The following AUTS2 variants were observed in gnomAD, a reference collection of about 807,000 sequenced individuals.
AUTS2 encodes the protein activator of transcription and developmental regulator AUTS2.
A neutral mutation model predicts 112.4 loss-of-function variants in AUTS2; 17 were observed. The ratio of observed to expected loss-of-function variants is 0.15; its 90% confidence interval spans 0.10 to 0.23. The LOEUF is 0.23. Among genes scored for constraint, AUTS2 ranks in the 10% least tolerant of loss-of-function variants. The pLI is 1.00. For synonymous variants in AUTS2, 751 were observed against 702.7 expected (o/e 1.07, Z -1.09); for missense variants, 1,510 against 1,701.6 (o/e 0.89, Z 1.98).
chr7:70,591,901 T>G (rs544848159), intron 5 of AUTS2, among the ~76,000 whole-genome samples: 1 of 152,278 alleles, frequency 6.6e-6, no homozygotes, highest in South Asian at 2.1e-4. Context: ...CCACCAGACA[T>G]GTAGAAACAA....
At chr7:70,035,469 T>G (rs1800959465) in intron 2 of AUTS2, among the ~76,000 whole-genome samples, 1 of 152,120 alleles carries the variant, frequency 6.6e-6, no homozygotes, top group African/African-American at 2.4e-5. Flanking sequence ...GGCATTGCTG[T>G]TTTTATCACG....
chr7:69,603,798 A>G (rs974923710), intron 1 of AUTS2, among the ~76,000 whole-genome samples: 1 of 152,196 alleles, frequency 6.6e-6, no homozygotes, highest in African/African-American at 2.4e-5. Context: ...GTTTTCTTAA[A>G]AAGTGGCTTT....
chr7:70,114,419 AT>A (rs11368095), intron 2 of AUTS2, among the ~76,000 whole-genome samples: 38,717 of 152,168 alleles, frequency 0.25, 4,918 homozygotes, highest in Middle Eastern at 0.33. Context: ...ATAGCTGGGA[AT>A]TTCAGGTGAA....
At chr7:69,689,640 TTTTATTTA>T (rs56128460) in intron 1 of AUTS2, among the ~76,000 whole-genome samples, 14,368 of 119,154 alleles carry the variant, frequency 0.12, 1,021 homozygotes, top group Middle Eastern at 0.15. Context: ...GCACCCGGCC[TTTTATTTA>T]TTTATTTATT....
intron 4 of AUTS2, among the ~76,000 whole-genome samples, chr7:70,319,420 CCTT>C (rs1276926715): frequency 5.3e-5 from 8 of 152,152 alleles, no homozygotes; most frequent in Non-Finnish European, 1.5e-5. Context: ...ACCTGACCCT[CCTT>C]CTTTCCTTAG....
chr7:70,106,279 T>G (rs529153290), intron 2 of AUTS2, among the ~76,000 whole-genome samples: 9 of 152,092 alleles, frequency 5.9e-5, no homozygotes, highest in Admixed American at 1.3e-4. Context: ...CAATGTAGGG[T>G]GTGGGGTCGT....
At chr7:70,065,497 C>T (rs1802446464) in intron 2 of AUTS2, among the ~76,000 whole-genome samples, 2 of 152,006 alleles carry the variant, frequency 1.3e-5, no homozygotes, top group South Asian at 2.1e-4. Context: ...AGTTCAAGAC[C>T]AGCCCGAGTA....
intron 5 of AUTS2, among the ~76,000 whole-genome samples, chr7:70,489,597 T>C (rs11760622): frequency 0.23 from 34,347 of 152,184 alleles, 4,018 homozygotes; most frequent in Middle Eastern, 0.34. Context: ...TCTAATTCAG[T>C]TACACAGACA....
chr7:70,072,486 TCAAG>T, intron 2 of AUTS2, among the ~76,000 whole-genome samples: 1 of 152,332 alleles, frequency 6.6e-6, no homozygotes. Context: ...CAGGCTTGGT[TCAAG>T]CCTTTGACCT....
At chr7:70,096,585 G>A (rs1804212832) in intron 2 of AUTS2, among the ~76,000 whole-genome samples, 1 of 137,568 alleles carries the variant, frequency 7.3e-6, no homozygotes, top group African/African-American at 2.7e-5. Context: ...GGCAACAAGA[G>A]TGAAACTCCA....
intron 4 of AUTS2, among the ~76,000 whole-genome samples, chr7:70,173,594 G>A (rs747623643): frequency 2.0e-5 from 3 of 152,010 alleles, no homozygotes; most frequent in Non-Finnish European, 4.4e-5. Context: ...TATTGTGCTT[G>A]GCAGATACTG....
At chr7:70,498,553 A>G (rs570103834) in intron 5 of AUTS2, among the ~76,000 whole-genome samples, 25 of 152,288 alleles carry the variant, frequency 1.6e-4, no homozygotes, top group Non-Finnish European at 3.4e-4. Context: ...TCTTATAAGC[A>G]GAGGGTGTAG....
chr7:69,914,558 C>T (rs1412981362), intron 2 of AUTS2, among the ~76,000 whole-genome samples: 1 of 151,934 alleles, frequency 6.6e-6, no homozygotes, highest in Non-Finnish European at 1.5e-5. Flanking sequence ...CCCATGGAAT[C>T]TATCAGCAGT....
intron 5 of AUTS2, among the ~76,000 whole-genome samples, chr7:70,600,629 C>T (rs1366181079): frequency 3.3e-5 from 5 of 152,126 alleles, no homozygotes; most frequent in Admixed American, 1.3e-4. Flanking sequence ...TTGCAACCCT[C>T]GCCTTTACTT....
At chr7:70,023,544 A>G (rs1800377571) in intron 2 of AUTS2, among the ~76,000 whole-genome samples, 1 of 152,188 alleles carries the variant, frequency 6.6e-6, no homozygotes, top group South Asian at 2.1e-4. Context: ...TGATTTCCTC[A>G]TCTGTAAAGT....
At chr7:69,853,558 T>G (rs1584343250) in intron 1 of AUTS2, among the ~76,000 whole-genome samples, 1 of 152,184 alleles carries the variant, frequency 6.6e-6, no homozygotes, top group East Asian at 1.9e-4. Context: ...TCATGCTTTT[T>G]TATTCATTCA....
At chr7:70,173,360 C>CA (rs770800747) in intron 4 of AUTS2, among the ~76,000 whole-genome samples, 1,393 of 88,440 alleles carry the variant, frequency 0.016, 7 homozygotes, top group South Asian at 0.023. Context: ...GACCCCGTCT[C>CA]AAAAAAAAAA....
At chr7:70,536,925 A>G (rs1800347671) in intron 5 of AUTS2, among the ~76,000 whole-genome samples, 1 of 152,138 alleles carries the variant, frequency 6.6e-6, no homozygotes, top group Non-Finnish European at 1.5e-5. Context: ...AAGAAAAATC[A>G]AAAGTAATAA....
At chr7:70,412,689 A>T (rs1284131863) in intron 4 of AUTS2, among the ~76,000 whole-genome samples, 1 of 152,208 alleles carries the variant, frequency 6.6e-6, no homozygotes, top group Non-Finnish European at 1.5e-5. Flanking sequence ...TTTTATGTAT[A>T]CTTATTAAAA....
Sources: allele counts gnomAD v4.1 joint callset (sites outside exome capture counted in the v4.1 genomes callset), GRCh38; gene constraint gnomAD v4.1.1; transcripts MANE v1.5; gene names NCBI Gene and HGNC (gene_info 2026-07-23, HGNC 2026-07-21).